The following SLC41A2 variants were observed in gnomAD, a reference collection of about 807,000 sequenced individuals.
SLC41A2 encodes solute carrier family 41 member 2.
A neutral mutation model predicts 58.3 loss-of-function variants in SLC41A2; 32 were observed. That is an observed-to-expected ratio of 0.55 (90% CI 0.41 to 0.74). The LOEUF is 0.74. SLC41A2 is among the 30% of genes least tolerant of loss of function. The probability of loss-of-function intolerance (pLI) is 0.00; values close to 1 mark genes in which losing one functional copy is unlikely to be tolerated. For synonymous variants in SLC41A2, 190 were observed against 235.0 expected, an observed-to-expected ratio of 0.81 and a Z score of 1.75; for missense variants, 514 against 680.6, an observed-to-expected ratio of 0.76 and a Z score of 2.72.
intron 2 of SLC41A2, among the ~76,000 whole-genome samples, chr12:104,923,618 TA>T (rs1297920477): frequency 6.6e-6 from 1 of 151,944 alleles, no homozygotes; most frequent in Non-Finnish European, 1.5e-5. Flanking sequence ...TAAGTAAAAT[TA>T]GAAATGAAAA....
At chr12:104,871,779 A>T (rs557082695) in intron 6 of SLC41A2, among the ~76,000 whole-genome samples, 63 of 152,342 alleles carry the variant, frequency 4.1e-4, no homozygotes, top group Non-Finnish European at 7.9e-4. Flanking sequence ...TGTTTATTAA[A>T]CATCTGTTTT....
chr12:104,892,311 T>C lies in SLC41A2; in HGVS notation c.735+2963A>G, dbSNP rs998538432. On this transcript the variant is annotated intron_variant, in intron 4 of 10. Transcript: ENST00000258538. ...ACCTCATCTCAAAAAAAAAATAAAATAAAATAAAATAAAATAAAATAAAAT... is the reference window on the plus strand; with the variant it reads ...ACCTCATCTCAAAAAAAAAATAAAACAAAATAAAATAAAATAAAATAAAAT... Among the ~76,000 whole-genome samples the C allele has an allele frequency of 5.0e-4, 60 of 120,856 alleles. 2 individuals carry two copies. The highest frequency in any genetic ancestry group is 2.3e-3 in the African/African-American group (58 of 25,548). 79.3% of individuals were successfully genotyped at this position (120,856 alleles called of 152,430 possible).
chr12:104,854,441 T>C (rs1354577019), intron 8 of SLC41A2, among the ~76,000 whole-genome samples: 1 of 152,034 alleles, frequency 6.6e-6, no homozygotes, highest in Admixed American at 6.5e-5. Flanking sequence ...CGGGCGACTG[T>C]AGCCCCAGCT....
chr12:104,918,628 G>GAAAAAA lies in SLC41A2; in HGVS notation c.556-8872_556-8867dup, dbSNP rs34865307. ...TTCATGTCTGTTGAAGGAGATACATGAAAAAAAAAAAAAAAAAAACTAAAA... is the reference window on the plus strand; with the variant it reads ...TTCATGTCTGTTGAAGGAGATACATGAAAAAAAAAAAAAAAAAAAAAAAAACTAAAA... On this transcript the variant is annotated intron_variant, in intron 2 of 10. Transcript: ENST00000258538. 4.5e-5 allele frequency among the ~76,000 whole-genome samples: 5 copies of GAAAAAA among 111,490 alleles called. 1 individual carries two copies. In the East Asian group the frequency reaches 7.4e-4, roughly 17 times the overall value. 73.1% of individuals were successfully genotyped at this position (111,490 alleles called of 152,430 possible). A position where few individuals can be genotyped will look rare whatever the true frequency, so the allele number is the denominator to read the frequency against.
chr12:104,847,796 C>T (rs1203158656), intron 8 of SLC41A2, among the ~76,000 whole-genome samples: 6 of 152,196 alleles, frequency 3.9e-5, no homozygotes, highest in Admixed American at 2.0e-4. Flanking sequence ...AGCGAAATGA[C>T]ATACAGCAGG....
chr12:104,930,467 A>T lies in SLC41A2; in HGVS notation c.-167-1773T>A, dbSNP rs150599565. 2.1e-3 allele frequency among the ~76,000 whole-genome samples: 325 copies of T among 152,302 alleles called. 1 individual carries two copies. The highest frequency in any genetic ancestry group is 2.5e-3 in the Non-Finnish European group (171 of 68,028). ...GAGTGGGTGTCTGTTCCTTCAACTC[A>T]TCTACCTTTTTAAAAAGTAGTGAGT... On this transcript the variant is annotated intron_variant, in intron 1 of 10. Transcript: ENST00000258538.
chr12:104,872,033 T>C (rs1165602883), intron 6 of SLC41A2, among the ~76,000 whole-genome samples: 1 of 151,836 alleles, frequency 6.6e-6, no homozygotes, highest in East Asian at 1.9e-4. Flanking sequence ...AGGATTTGGA[T>C]TGGCCTTGAT....
rs1387984370 is a variant in SLC41A2 at position 104,909,826 on chromosome 12, C to A, written c.556-64G>T. 10 of 1,136,608 alleles carry A rather than the reference C, an allele frequency of 8.8e-6. No individual in the cohort carries two copies. The African/African-American group carries it at 1.6e-4, about 18-fold the overall frequency. 70.4% of individuals were successfully genotyped at this position (1,136,608 alleles called of 1,614,324 possible). A position where few individuals can be genotyped will look rare whatever the true frequency, so the allele number is the denominator to read the frequency against. ...TTTAAAAAATACTTTAGAACAAAGA[C>A]ATTTCTAAAAATCTCAGCCTTTTTC... On this transcript the variant is annotated intron_variant, in intron 2 of 10. Transcript: ENST00000258538.
At chr12:104,848,504 A>G (rs529369640) in intron 8 of SLC41A2, among the ~76,000 whole-genome samples, 1 of 152,244 alleles carries the variant, frequency 6.6e-6, no homozygotes, top group African/African-American at 2.4e-5. Flanking sequence ...GAGAAAAATA[A>G]ATGAAACAAA....
intron 10 of SLC41A2, among the ~76,000 whole-genome samples, chr12:104,840,242 A>T (rs571508172): frequency 6.6e-6 from 1 of 152,332 alleles, no homozygotes; most frequent in South Asian, 2.1e-4. Flanking sequence ...CAGTCAATGG[A>T]GCATCCGAGT....
At chr12:104,806,687 TAA>T (rs895301309) in intron 10 of SLC41A2, among the ~76,000 whole-genome samples, 166 of 151,994 alleles carry the variant, frequency 1.1e-3, no homozygotes, top group African/African-American at 3.7e-3. Flanking sequence ...ACCAACAGTG[TAA>T]AAGTGTTCCT....
At chr12:104,951,035 A>G (rs1212851025) in intron 1 of SLC41A2, among the ~76,000 whole-genome samples, 2 of 152,182 alleles carry the variant, frequency 1.3e-5, no homozygotes, top group Non-Finnish European at 2.9e-5. Flanking sequence ...TTGTTTGAGT[A>G]CTTTTTACTT....
At chr12:104,898,843 AAAG>A (rs2045423216) in intron 3 of SLC41A2, among the ~76,000 whole-genome samples, 1 of 152,224 alleles carries the variant, frequency 6.6e-6, no homozygotes, top group South Asian at 2.1e-4. Context: ...ACACCTCACC[AAAG>A]AAGACATACA....
intron 1 of SLC41A2, among the ~76,000 whole-genome samples, chr12:104,930,577 TAGG>T (rs1326442521): frequency 6.6e-6 from 1 of 152,192 alleles, no homozygotes; most frequent in Non-Finnish European, 1.5e-5. Flanking sequence ...GTCTATTCCA[TAGG>T]AGGACCAGTG....
intron 1 of SLC41A2, among the ~76,000 whole-genome samples, chr12:104,932,841 T>C (rs904939660): frequency 2.0e-5 from 3 of 151,890 alleles, no homozygotes; most frequent in African/African-American, 7.3e-5. Flanking sequence ...TGTAGAAGAA[T>C]GAAACTGGAT....
chr12:104,842,116 G>A (rs185019080), intron 10 of SLC41A2, among the ~76,000 whole-genome samples: 17 of 152,186 alleles, frequency 1.1e-4, no homozygotes, highest in African/African-American at 4.1e-4. Context: ...GTTTTAAGTG[G>A]TGAAAGATTC....
chr12:104,951,520 C>T (rs1216621509), intron 1 of SLC41A2: 1 of 152,036 alleles, frequency 6.6e-6, no homozygotes, highest in African/African-American at 2.4e-5. Flanking sequence ...ACTTCTTTTA[C>T]CACTGATCGG....
chr12:104,933,715 A>G (rs149519171), intron 1 of SLC41A2, among the ~76,000 whole-genome samples: 137 of 152,238 alleles, frequency 9.0e-4, no homozygotes, highest in Non-Finnish European at 1.7e-3. Flanking sequence ...CCATATATAT[A>G]CACCATGAAA....
chr12:104,929,821 T>C (rs2046986363), intron 1 of SLC41A2, among the ~76,000 whole-genome samples: 1 of 152,262 alleles, frequency 6.6e-6, no homozygotes, highest in Non-Finnish European at 1.5e-5. Context: ...CTGAGAATTG[T>C]TGCTGCTACT....
Sources: allele counts gnomAD v4.1 joint callset (sites outside exome capture counted in the v4.1 genomes callset), GRCh38; gene constraint gnomAD v4.1.1; transcripts MANE v1.5; gene names NCBI Gene and HGNC (gene_info 2026-07-23, HGNC 2026-07-21).